The following AGL variants were observed in gnomAD, a reference collection of about 807,000 sequenced individuals.
AGL encodes glycogen debranching enzyme.
AGL carries 128 observed loss-of-function variants against 199.3 expected under a neutral mutation model. That is an observed-to-expected ratio of 0.64 (90% CI 0.56 to 0.74). The LOEUF is 0.74. Ranked by LOEUF, AGL falls within the 30% of genes least tolerant of loss-of-function variation. The pLI is 0.00. For missense variants in AGL, 1,809 were observed against 1,820.8 expected (o/e 0.99, Z 0.12); for synonymous variants, 584 against 594.7 (o/e 0.98, Z 0.26).
intron 22 of AGL, 47 bp downstream of exon 22, chr1:99,891,403 T>A (rs1178797258): frequency 6.3e-7 from 1 of 1,595,244 alleles, no homozygotes; most frequent in East Asian, 2.2e-5. Context: ...GACATAATAA[T>A]AAATATTACC....
chr1:99,877,833 A>T lies in AGL; in HGVS notation c.1611+5A>T. ...ACACCTCTTCACGTAGCTGAGGTAC[A>T]GAAAAACAATTTATCTACATTAAGA... is the stretch of plus-strand genomic sequence containing the variant. On this transcript the variant is annotated splice_donor_5th_base_variant and intron_variant, in intron 12 of 33. Coordinates refer to ENST00000361915, the MANE Select transcript of AGL (RefSeq NM_000642.3). The T allele has an allele frequency of 6.2e-7, 1 of 1,613,548 alleles. No homozygotes were observed. Among genetic ancestry groups the T allele is most frequent in the Non-Finnish European group, 8.5e-7 (1 of 1,179,538 alleles).
chr1:99,917,120 A>G (rs1190702088), intron 33 of AGL, among the ~76,000 whole-genome samples: 2 of 152,188 alleles, frequency 1.3e-5, no homozygotes, highest in Non-Finnish European at 2.9e-5. Flanking sequence ...CATTATAGTT[A>G]AAATATCAGA....
intron 19 of AGL, 36 bp downstream of exon 19, chr1:99,884,487 A>G (rs900364131): frequency 1.9e-6 from 3 of 1,599,880 alleles, no homozygotes; most frequent in Non-Finnish European, 2.6e-6. Flanking sequence ...GACTTTACTT[A>G]TATTTAAAAT....
chr1:99,903,213 T>C (rs1374758819), intron 27 of AGL, among the ~76,000 whole-genome samples: 2 of 152,208 alleles, frequency 1.3e-5, no homozygotes, highest in Non-Finnish European at 2.9e-5. Flanking sequence ...TGTATACATG[T>C]GCCATGTTGG....
chr1:99,906,750 A>G (rs1018820384), intron 27 of AGL, among the ~76,000 whole-genome samples: 14 of 152,190 alleles, frequency 9.2e-5, no homozygotes, highest in Admixed American at 7.2e-4. Flanking sequence ...CATTGTATGC[A>G]TACATTTTCT....
chr1:99,870,667 C>A, intron 6 of AGL, 86 bp downstream of exon 6: 1 of 1,502,240 alleles, frequency 6.7e-7, no homozygotes, highest in Non-Finnish European at 9.2e-7. Flanking sequence ...TTACTTAGAA[C>A]CTGTATTTTA....
At position 99,912,436 on chromosome 1, in the gene AGL, A is replaced by T. The variant is rs1654814437; in HGVS notation, c.3868A>T (p.Ser1290Cys). 1.2e-6 allele frequency: 2 copies of T among 1,614,040 alleles called. No individual in the cohort carries two copies. The highest frequency in any genetic ancestry group is 1.7e-6 in the Non-Finnish European group (2 of 1,179,978). Reference protein sequence around the residue: ...DGSAVEIVGLSKSAVRWLLEL... With the variant: ...DGSAVEIVGLCKSAVRWLLEL... Reference sequence around the variant, plus strand: ...GTCTGCTGTGGAAATTGTGGGCCTGAGTAAATCTGCTGTTCGCTGGTTGCT... The same window carrying T: ...GTCTGCTGTGGAAATTGTGGGCCTGTGTAAATCTGCTGTTCGCTGGTTGCT... The change falls in exon 29 of 34, where the codon AGT (serine) becomes TGT (cysteine). Residue 1290 changes from serine (S) to cysteine (C), a missense_variant. Transcript: ENST00000361915.
chr1:99,852,080 A>T (rs7513618), intron 2 of AGL, among the ~76,000 whole-genome samples: 35,738 of 151,630 alleles, frequency 0.24, 5,050 homozygotes, highest in African/African-American at 0.39. Flanking sequence ...GGTGTCTCTT[A>T]CTAGGCTCTC....
chr1:99,876,288 A>G (rs1033742270), intron 10 of AGL, among the ~76,000 whole-genome samples, 170 bp from the exon 11 acceptor site: 3 of 152,226 alleles, frequency 2.0e-5, no homozygotes, highest in Admixed American at 2.0e-4. Context: ...GATTTACTCA[A>G]AAAGCCTAAT....
intron 23 of AGL, 147 bp downstream of exon 23, chr1:99,891,886 T>A: frequency 2.2e-6 from 2 of 897,044 alleles, no homozygotes; most frequent in Non-Finnish European, 3.6e-6. Context: ...TTTATTAGCA[T>A]CCTTTAGTCT....
chr1:99,863,463 T>C (rs1455425119), intron 4 of AGL, among the ~76,000 whole-genome samples: 1 of 152,126 alleles, frequency 6.6e-6, no homozygotes, highest in Admixed American at 6.5e-5. Flanking sequence ...GTAGAAGACA[T>C]GTGCTACCAT....
intron 12 of AGL, among the ~76,000 whole-genome samples, chr1:99,878,562 A>C (rs1651760055): frequency 6.6e-6 from 1 of 152,084 alleles, no homozygotes; most frequent in Non-Finnish European, 1.5e-5. Context: ...TTGTAATTAA[A>C]CTCATAATTT....
intron 27 of AGL, among the ~76,000 whole-genome samples, chr1:99,906,907 G>A (rs530740762): frequency 1.8e-4 from 27 of 152,274 alleles, no homozygotes; most frequent in African/African-American, 6.0e-4. Context: ...ATGCTAGATT[G>A]TATGTTAATT....
chr1:99,879,585 A>AATAC (rs1033486017), intron 12 of AGL, among the ~76,000 whole-genome samples: 2 of 113,396 alleles, frequency 1.8e-5, no homozygotes, highest in African/African-American at 6.3e-5. Flanking sequence ...ACTTGGTCTC[A>AATAC]ATAAATAAAT....
rs1284418468 is a variant in AGL at position 99,906,397 on chromosome 1, G to A, written c.3700+3603G>A. Among the ~76,000 whole-genome samples, 4 of 152,100 alleles carry A rather than the reference G, an allele frequency of 2.6e-5. No homozygotes were observed. The Middle Eastern group carries it at 0.01, about 388-fold the overall frequency. On this transcript the variant is annotated intron_variant, in intron 27 of 33. Coordinates refer to ENST00000361915, the MANE Select transcript of AGL (RefSeq NM_000642.3). ...TTTTTTGTGATAAAAAGCATGTAAC[G>A]TTAAATTTACCTTAGCCATTTTCAA...
chr1:99,907,631 T>G (rs1174259252), intron 27 of AGL, among the ~76,000 whole-genome samples: 2 of 152,154 alleles, frequency 1.3e-5, no homozygotes, highest in East Asian at 3.9e-4. Flanking sequence ...TCTGTGTTTG[T>G]TTTTTTGGAT....
intron 13 of AGL, 89 bp from the exon 14 acceptor site, chr1:99,880,540 CTTT>C (rs1225634635): frequency 7.2e-7 from 1 of 1,389,628 alleles, no homozygotes; most frequent in Admixed American, 1.7e-5. Context: ...TTGATGTGGT[CTTT>C]ATTTTGAAAA....
At chr1:99,888,195 A>T (rs1652602709) in intron 21 of AGL, 87 bp downstream of exon 21, 2 of 1,548,566 alleles carry the variant, frequency 1.3e-6, no homozygotes, top group Non-Finnish European at 1.8e-6. Flanking sequence ...ATAGGCTCAG[A>T]GTATGCCTAC....
At chr1:99,861,321 T>C (rs1162464990) in intron 2 of AGL, 182 bp from the exon 3 acceptor site, 1 of 1,472,426 alleles carries the variant, frequency 6.8e-7, no homozygotes, top group East Asian at 2.5e-5. Context: ...CTATACTTGC[T>C]AAAATGTGAA....
Sources: gnomAD v4.1 joint callset for allele counts (sites outside exome capture counted in the v4.1 genomes callset) on GRCh38, gnomAD v4.1.1 for gene constraint, MANE v1.5 for transcripts, NCBI Gene and HGNC (gene_info 2026-07-23, HGNC 2026-07-21) for gene names.